Variants in CSMD1 observed in about 807,000 individuals in gnomAD.
CSMD1 encodes the protein CUB and sushi domain-containing protein 1.
Under a neutral mutation model 417.5 loss-of-function variants are expected in CSMD1, and 213 were observed. The ratio of observed to expected loss-of-function variants is 0.51; its 90% CI spans 0.46 to 0.57. The LOEUF (loss-of-function observed/expected upper bound fraction) is 0.57. CSMD1 is among the 20% of genes least tolerant of loss of function. The pLI, the probability that CSMD1 is intolerant of heterozygous loss-of-function variation, is 0.00. For missense variants in CSMD1, 6,923 were observed against 4,529.7 expected (o/e 1.53, Z -15.17); for synonymous variants, 2,862 against 1,736.8 (o/e 1.65, Z -16.11).
chr8:4,117,850 C>A (rs1451082563), intron 3 of CSMD1, among the ~76,000 whole-genome samples: 1 of 150,018 alleles, frequency 6.7e-6, no homozygotes, highest in Non-Finnish European at 1.5e-5. Context: ...AAACAAAAGA[C>A]AGAGACTCAG....
intron 25 of CSMD1, among the ~76,000 whole-genome samples, chr8:3,300,429 G>C (rs1014356136): frequency 1.3e-5 from 2 of 151,864 alleles, no homozygotes; most frequent in Non-Finnish European, 2.9e-5. Flanking sequence ...CCATGCCAAA[G>C]AGCTTATCCT....
intron 53 of CSMD1, among the ~76,000 whole-genome samples, chr8:2,998,679 A>C (rs570921338): frequency 2.0e-5 from 3 of 152,336 alleles, no homozygotes; most frequent in African/African-American, 7.2e-5. Flanking sequence ...TAGCAAAATA[A>C]CTAAGCACAC....
At chr8:2,990,234 C>T (rs960746506) in intron 54 of CSMD1, among the ~76,000 whole-genome samples, 1 of 152,246 alleles carries the variant, frequency 6.6e-6, no homozygotes, top group Non-Finnish European at 1.5e-5. Flanking sequence ...ACACTAATAT[C>T]TGTCTTCCCA....
chr8:3,950,917 A>G (rs1262120967), intron 5 of CSMD1, among the ~76,000 whole-genome samples: 2 of 152,204 alleles, frequency 1.3e-5, no homozygotes, highest in Non-Finnish European at 2.9e-5. Flanking sequence ...AGGAAAACCA[A>G]TATTCATAAT....
chr8:4,280,012 G>A (rs908422270), intron 3 of CSMD1, among the ~76,000 whole-genome samples: 1 of 152,256 alleles, frequency 6.6e-6, no homozygotes, highest in Non-Finnish European at 1.5e-5. Context: ...CCTATCTGCT[G>A]CTTCCTTCCC....
chr8:3,485,100 A>G (rs1188151830), intron 11 of CSMD1, among the ~76,000 whole-genome samples: 1 of 152,234 alleles, frequency 6.6e-6, no homozygotes, highest in Non-Finnish European at 1.5e-5. Flanking sequence ...TTTACATAAC[A>G]ACCTATACAC....
chr8:3,616,540 CA>C (rs1442125130), intron 8 of CSMD1, among the ~76,000 whole-genome samples, 169 bp downstream of exon 8: 6 of 151,934 alleles, frequency 3.9e-5, no homozygotes, highest in Non-Finnish European at 7.4e-5. Flanking sequence ...AGATTATAAA[CA>C]AAAAACAAAA....
At chr8:4,569,028 G>A (rs1391972548) in intron 2 of CSMD1, among the ~76,000 whole-genome samples, 2 of 152,110 alleles carry the variant, frequency 1.3e-5, no homozygotes, top group African/African-American at 2.4e-5. Context: ...CTCTTTGTCA[G>A]ATGGATAGAT....
chr8:4,374,579 T>A (rs1009619877), intron 3 of CSMD1, among the ~76,000 whole-genome samples: 1 of 152,012 alleles, frequency 6.6e-6, no homozygotes, highest in South Asian at 2.1e-4. Flanking sequence ...GAATGAGCCA[T>A]GGGAAGACAA....
At chr8:3,321,061 A>T (rs1257522113) in intron 23 of CSMD1, among the ~76,000 whole-genome samples, 1 of 152,046 alleles carries the variant, frequency 6.6e-6, no homozygotes, top group African/African-American at 2.4e-5. Flanking sequence ...CGCAACTCTC[A>T]ATCTCTTCCA....
intron 12 of CSMD1, among the ~76,000 whole-genome samples, chr8:3,414,894 T>C (rs765310325): frequency 6.6e-6 from 1 of 152,196 alleles, no homozygotes; most frequent in East Asian, 1.9e-4. Context: ...GGATGGCCTG[T>C]ATCCTACGTG....
intron 3 of CSMD1, among the ~76,000 whole-genome samples, chr8:4,332,425 G>C (rs10103601): frequency 0.28 from 42,728 of 151,946 alleles, 6,354 homozygotes; most frequent in South Asian, 0.41. Flanking sequence ...CTAGGCACCT[G>C]TGAGTAAGCA....
intron 12 of CSMD1, among the ~76,000 whole-genome samples, chr8:3,443,128 C>T (rs998191057): frequency 6.6e-6 from 1 of 152,190 alleles, no homozygotes; most frequent in Non-Finnish European, 1.5e-5. Flanking sequence ...CAGACATCCA[C>T]TAGTGAGCAG....
intron 59 of CSMD1, among the ~76,000 whole-genome samples, chr8:2,965,517 G>A (rs1049813117): frequency 2.0e-5 from 3 of 152,126 alleles, no homozygotes; most frequent in South Asian, 2.1e-4. Flanking sequence ...TGGCGTGACC[G>A]TCACTGAACC....
intron 5 of CSMD1, among the ~76,000 whole-genome samples, chr8:3,761,620 C>G (rs1287849770): frequency 6.6e-6 from 1 of 151,448 alleles, no homozygotes; most frequent in Admixed American, 6.6e-5. Context: ...ATTCTCCTGC[C>G]TCAGACTGCT....
intron 7 of CSMD1, among the ~76,000 whole-genome samples, chr8:3,671,169 A>G (rs940852081): frequency 6.8e-6 from 1 of 147,740 alleles, no homozygotes; most frequent in Non-Finnish European, 1.5e-5. Flanking sequence ...TGTATATGAG[A>G]TATATATGTA....
At chr8:4,255,980 G>C (rs943548339) in intron 3 of CSMD1, among the ~76,000 whole-genome samples, 1 of 152,104 alleles carries the variant, frequency 6.6e-6, no homozygotes, top group African/African-American at 2.4e-5. Flanking sequence ...GTGAAAATAC[G>C]ACTACGTGCA....
chr8:3,097,115 TAAAC>T, intron 46 of CSMD1, 78 bp from the exon 47 acceptor site: 1 of 1,171,866 alleles, frequency 8.5e-7, no homozygotes, highest in African/African-American at 1.6e-5. Flanking sequence ...TATCCCTGTA[TAAAC>T]AAGTCAATGA....
rs2554647 is a variant in CSMD1, at chr8:4,085,527, C to G, written c.416-53428G>C. On this transcript the variant is annotated intron_variant, in intron 3 of 69. Coordinates refer to ENST00000635120, the MANE Select transcript of CSMD1 (RefSeq NM_033225.6). ...TTCCTAATATAAATTTTATCCTATC[C>G]GTTCTTTGTAACCCTAATAAGCTGG... Among the ~76,000 whole-genome samples the G allele has an allele frequency of 2.0e-5, 3 of 152,138 alleles. No homozygotes were observed. The East Asian group carries it at 5.8e-4, about 29-fold the overall frequency.
Sources: allele counts gnomAD v4.1 joint callset (sites outside exome capture counted in the v4.1 genomes callset), GRCh38; gene constraint gnomAD v4.1.1; transcripts MANE v1.5; gene names NCBI Gene and HGNC (gene_info 2026-07-23, HGNC 2026-07-21).